Variants in F9 observed in about 807,000 individuals in gnomAD.
F9 encodes Christmas factor.
Under a neutral mutation model 34.1 loss-of-function variants are expected in F9, and 2 were observed. The ratio of observed to expected loss-of-function variants is 0.06; its 90% CI spans 0.02 to 0.18. F9 has a LOEUF of 0.18. Ranked by LOEUF, F9 falls within the 10% of genes least tolerant of loss-of-function variation. The pLI, the probability that F9 is intolerant of heterozygous loss-of-function variation, is 1.00. For missense variants in F9, 216 were observed against 345.1 expected (o/e 0.63, Z 2.96); for synonymous variants, 137 against 118.8 (o/e 1.15, Z -1.00).
At chrX:139,541,255 A>C (rs1927595753) in intron 4 of F9, 66 bp downstream of exon 4, 1 of 726,673 alleles carries the variant, frequency 1.4e-6, no homozygotes, top group Non-Finnish European at 2.1e-6. Context: ...GAAACTGGAA[A>C]ATGCAATATT....
chrX:139,540,698 A>C (rs1215926341), intron 3 of F9, among the ~76,000 whole-genome samples: 1 of 112,031 alleles, frequency 8.9e-6, no homozygotes, highest in Non-Finnish European at 1.9e-5. Flanking sequence ...TATTTGTTGA[A>C]GCAATTAAAT....
chrX:139,544,410 A>C (rs1927669908), intron 4 of F9, among the ~76,000 whole-genome samples: 1 of 110,608 alleles, frequency 9.0e-6, no homozygotes, highest in African/African-American at 3.3e-5. Flanking sequence ...TCATGCCCTT[A>C]GTGGATTATT....
intron 6 of F9, among the ~76,000 whole-genome samples, chrX:139,554,507 T>C (rs1927922948): frequency 8.9e-6 from 1 of 112,147 alleles, no homozygotes; most frequent in African/African-American, 3.2e-5. Flanking sequence ...ATGAGATAAA[T>C]TGAGTGTATA....
chrX:139,532,727 G>A (rs188685930), intron 1 of F9, among the ~76,000 whole-genome samples: 7 of 111,925 alleles, frequency 6.3e-5, no homozygotes, highest in African/African-American at 1.6e-4. Context: ...ATGAGTAGGC[G>A]TTCTCTCTCT....
intron 4 of F9, among the ~76,000 whole-genome samples, chrX:139,542,133 A>G (rs773555923): frequency 1.8e-5 from 2 of 112,011 alleles, no homozygotes; most frequent in Non-Finnish European, 3.8e-5. Context: ...CAGATGAAAA[A>G]GGCATGAAAT....
intron 6 of F9, among the ~76,000 whole-genome samples, chrX:139,553,744 C>T (rs1455535196): frequency 3.3e-5 from 3 of 91,084 alleles, no homozygotes; most frequent in East Asian, 4.0e-4. Context: ...ACCGGGGAGG[C>T]GGAGCTGGCA....
intron 4 of F9, among the ~76,000 whole-genome samples, chrX:139,548,072 AG>A (rs1927755353): frequency 8.9e-6 from 1 of 112,343 alleles, no homozygotes; most frequent in South Asian, 3.7e-4. Flanking sequence ...ATTAATAAAT[AG>A]GGTTTTTAAA....
intron 4 of F9, among the ~76,000 whole-genome samples, 169 bp downstream of exon 4, chrX:139,541,358 A>G (rs1375014859): frequency 8.9e-6 from 1 of 111,931 alleles, no homozygotes; most frequent in African/African-American, 3.2e-5. Context: ...TCAAGAAGCT[A>G]CATTAAAATC....
chrX:139,560,996 C>T (rs369865250), intron 7 of F9, 141 bp downstream of exon 7: 19 of 510,126 alleles, frequency 3.7e-5, no homozygotes, highest in Middle Eastern at 5.1e-4. Context: ...TCAGAACCCA[C>T]GTCGCACCGT....
chrX:139,543,798 C>G (rs1347526813), intron 4 of F9, among the ~76,000 whole-genome samples: 1 of 111,523 alleles, frequency 9.0e-6, no homozygotes, highest in Non-Finnish European at 1.9e-5. Context: ...ACTGAGACCC[C>G]CTTCGGGACC....
intron 1 of F9, 121 bp from the exon 2 acceptor site, chrX:139,536,889 C>T: frequency 1.3e-6 from 1 of 746,393 alleles, no homozygotes; most frequent in Non-Finnish European, 2.0e-6. Flanking sequence ...GCTCCATGCC[C>T]TAAAGAGAAA....
At chrX:139,561,460 C>A (rs2148367565) in intron 7 of F9, 64 bp from the exon 8 acceptor site, 1 of 998,810 alleles carries the variant, frequency 1.0e-6, no homozygotes, top group African/African-American at 1.9e-5. Context: ...CCCAAGTAGT[C>A]ACTTAGAAAA....
At chrX:139,536,540 G>C (rs1927480635) in intron 1 of F9, among the ~76,000 whole-genome samples, 1 of 111,336 alleles carries the variant, frequency 9.0e-6, no homozygotes, top group Non-Finnish European at 1.9e-5. Context: ...TTAACATCTA[G>C]TGACAGACAC....
chrX:139,537,591 C>G (rs995804765), intron 3 of F9, among the ~76,000 whole-genome samples: 3 of 111,444 alleles, frequency 2.7e-5, no homozygotes, highest in Non-Finnish European at 5.7e-5. Flanking sequence ...GTTTAATCCT[C>G]CCTAGGGCTT....
At chrX:139,560,658 C>A in intron 6 of F9, 83 bp from the exon 7 acceptor site, 1 of 677,137 alleles carries the variant, frequency 1.5e-6, no homozygotes, top group Non-Finnish European at 2.4e-6. Context: ...AATATTTTGC[C>A]TATTCCTGTA....
rs375734226 is a variant in F9 at position 139,541,199 on chromosome X, T to G, written c.391+10T>G. ...AAGAACTGTGAATTAGGTAAGTAAC[T>G]ATTTTTTGAATACTCATGGTTCAAA... is the stretch of plus-strand genomic sequence containing the variant. On this transcript the variant is annotated intron_variant, in intron 4 of 7. Coordinates refer to ENST00000218099, the MANE Select transcript of F9 (RefSeq NM_000133.4). 1,214 of 1,100,580 alleles carry G rather than the reference T, an allele frequency of 1.1e-3. 13 individuals carry two copies. Among genetic ancestry groups the G allele is most frequent in the Admixed American group, 8.3e-4 (37 of 44,710 alleles). 90.7% of individuals were successfully genotyped at this position (1,100,580 alleles called of 1,213,427 possible). A position where few individuals can be genotyped will look rare whatever the true frequency, so the allele number is the denominator to read the frequency against.
Position 139,538,069 on chromosome X carries a change from G to A in F9, c.277+683G>A, listed in dbSNP as rs756603076. Among the ~76,000 whole-genome samples, 5 of 111,489 alleles carry A rather than the reference G, an allele frequency of 4.5e-5. No homozygotes were observed. In the South Asian group the frequency reaches 1.9e-3, roughly 43 times the overall value. ...AGTAGCCTTACCACTCTAGACACCT[G>A]TACAGAACTCCACTCTACTTTTTAA... is the stretch of plus-strand genomic sequence containing the variant. On this transcript the variant is annotated intron_variant, in intron 3 of 7. Transcript: ENST00000218099.
chrX:139,560,902 A>G, intron 7 of F9, 47 bp downstream of exon 7: 1 of 922,266 alleles, frequency 1.1e-6, no homozygotes, highest in Non-Finnish European at 1.6e-6. Context: ...CTAGCTCTTT[A>G]ATATGATTGG....
chrX:139,537,451 T>G (rs1927510669), intron 3 of F9, 65 bp downstream of exon 3: 2 of 903,841 alleles, frequency 2.2e-6, no homozygotes, highest in African/African-American at 2.0e-5. Flanking sequence ...GGGTTTTTTC[T>G]CTGCATAAAT....
Sources: allele counts gnomAD v4.1 joint callset (sites outside exome capture counted in the v4.1 genomes callset), GRCh38; gene constraint gnomAD v4.1.1; transcripts MANE v1.5; gene names NCBI Gene and HGNC (gene_info 2026-07-23, HGNC 2026-07-21).